The following NRXN1 variants were observed in gnomAD, a reference collection of about 807,000 sequenced individuals.
The protein encoded by NRXN1 is neurexin 1, also known as neurexin-1.
In NRXN1, 39 loss-of-function variants were observed where a neutral mutation model predicts 150.9. The ratio of observed to expected loss-of-function variants is 0.26; its 90% confidence interval spans 0.20 to 0.34. The LOEUF (loss-of-function observed/expected upper bound fraction) is 0.34. NRXN1 is among the 10% of genes least tolerant of loss of function. The pLI, the probability that NRXN1 is intolerant of heterozygous loss-of-function variation, is 1.00. For missense variants in NRXN1, 1,815 were observed against 1,949.9 expected, an observed-to-expected ratio of 0.93 and a Z score of 1.30; for synonymous variants, 924 against 757.0, an observed-to-expected ratio of 1.22 and a Z score of -3.62.
chr2:50,299,805 A>G (rs891924663), intron 17 of NRXN1, among the ~76,000 whole-genome samples: 14 of 152,182 alleles, frequency 9.2e-5, no homozygotes, highest in African/African-American at 2.9e-4. Context: ...AATAAAACCT[A>G]TTTCCTTAGG....
At chr2:50,781,491 T>A (rs143928481) in intron 5 of NRXN1, among the ~76,000 whole-genome samples, 18 of 152,250 alleles carry the variant, frequency 1.2e-4, no homozygotes, top group Non-Finnish European at 4.4e-5. Context: ...AAAGATTTTG[T>A]GAAGGAAGGA....
chr2:50,490,193 C>T (rs969273865), intron 15 of NRXN1, among the ~76,000 whole-genome samples: 18 of 152,078 alleles, frequency 1.2e-4, no homozygotes, highest in Non-Finnish European at 2.1e-4. Flanking sequence ...GTGTCTTTTC[C>T]CTGAACCTCG....
At chr2:50,060,333 C>T (rs1432356196) in intron 19 of NRXN1, among the ~76,000 whole-genome samples, 2 of 152,080 alleles carry the variant, frequency 1.3e-5, no homozygotes, top group Non-Finnish European at 2.9e-5. Context: ...GCCAATTTCT[C>T]CCATTTGGAA....
At chr2:50,934,983 T>G (rs561891718) in intron 2 of NRXN1, among the ~76,000 whole-genome samples, 2 of 152,168 alleles carry the variant, frequency 1.3e-5, no homozygotes, top group Non-Finnish European at 2.9e-5. Flanking sequence ...TTAAGTAAAC[T>G]AAACTAGTAA....
chr2:50,757,512 A>T (rs778177382), intron 5 of NRXN1, among the ~76,000 whole-genome samples: 3 of 151,858 alleles, frequency 2.0e-5, no homozygotes, highest in Admixed American at 1.3e-4. Context: ...GGATCCCCAA[A>T]ATATGTACAA....
At chr2:50,249,901 G>A (rs2066882073) in intron 17 of NRXN1, among the ~76,000 whole-genome samples, 1 of 152,094 alleles carries the variant, frequency 6.6e-6, no homozygotes, top group Admixed American at 6.6e-5. Flanking sequence ...GCCACCCAAA[G>A]TGTTGGGATT....
At chr2:50,565,800 A>G (rs143549479) in intron 8 of NRXN1, among the ~76,000 whole-genome samples, 2 of 152,274 alleles carry the variant, frequency 1.3e-5, no homozygotes, top group East Asian at 3.9e-4. Context: ...CCTCCCAAGT[A>G]TAACTGTCAT....
intron 12 of NRXN1, among the ~76,000 whole-genome samples, chr2:50,511,174 C>T (rs781658340): frequency 2.0e-5 from 3 of 152,070 alleles, no homozygotes; most frequent in Non-Finnish European, 2.9e-5. Flanking sequence ...GACTCTCCTG[C>T]CTCAGCCTCC....
chr2:50,082,170 A>G (rs765273607), intron 19 of NRXN1, among the ~76,000 whole-genome samples: 3 of 152,138 alleles, frequency 2.0e-5, no homozygotes, highest in Non-Finnish European at 2.9e-5. Flanking sequence ...ATCTGACATG[A>G]TTAATTCATT....
chr2:50,805,467 C>T (rs1013434709), intron 5 of NRXN1, among the ~76,000 whole-genome samples: 9 of 151,984 alleles, frequency 5.9e-5, no homozygotes, highest in South Asian at 2.1e-4. Context: ...CCAGCCTGGC[C>T]GACATGGCAA....
intron 10 of NRXN1, among the ~76,000 whole-genome samples, chr2:50,535,471 T>C (rs1185492691): frequency 1.3e-5 from 2 of 152,226 alleles, no homozygotes; most frequent in Non-Finnish European, 2.9e-5. Flanking sequence ...GGAGCCAAAT[T>C]ATATTGCTCT....
chr2:50,266,552 C>A (rs1330441417), intron 17 of NRXN1, among the ~76,000 whole-genome samples: 1 of 87,532 alleles, frequency 1.1e-5, no homozygotes, highest in African/African-American at 4.2e-5. Context: ...CACACACACA[C>A]ACACACACAC....
intron 2 of NRXN1, among the ~76,000 whole-genome samples, chr2:50,965,493 TTTTAA>T (rs1452588177): frequency 3.3e-5 from 5 of 151,702 alleles, no homozygotes; most frequent in African/African-American, 9.6e-5. Flanking sequence ...AAACTGATGC[TTTTAA>T]TTTAATAACA....
At chr2:50,246,015 C>T (rs2066465558) in intron 17 of NRXN1, among the ~76,000 whole-genome samples, 1 of 151,750 alleles carries the variant, frequency 6.6e-6, no homozygotes, top group African/African-American at 2.4e-5. Flanking sequence ...TCATTTCAAT[C>T]ATTTTAGAGT....
chr2:50,182,232 G>T (rs911092460), intron 18 of NRXN1, among the ~76,000 whole-genome samples: 4 of 151,006 alleles, frequency 2.6e-5, no homozygotes, highest in Non-Finnish European at 5.9e-5. Flanking sequence ...CTCAATAAAT[G>T]TTAGATCCTC....
intron 19 of NRXN1, among the ~76,000 whole-genome samples, chr2:50,056,375 C>A (rs1233125987): frequency 6.6e-6 from 1 of 152,036 alleles, no homozygotes; most frequent in African/African-American, 2.4e-5. Flanking sequence ...TAGACCTCAT[C>A]AATTTGTCAT....
chr2:49,975,307 T>C (rs990108472), intron 21 of NRXN1, among the ~76,000 whole-genome samples: 8 of 152,020 alleles, frequency 5.3e-5, no homozygotes, highest in African/African-American at 1.7e-4. Context: ...TTGCTTTTCA[T>C]TGCCCAGTTT....
chr2:50,835,354 C>T (rs1197620840), intron 5 of NRXN1, among the ~76,000 whole-genome samples: 2 of 152,138 alleles, frequency 1.3e-5, no homozygotes, highest in African/African-American at 4.8e-5. Context: ...TTGACCTTTA[C>T]TTTCGATTTC....
intron 5 of NRXN1, among the ~76,000 whole-genome samples, chr2:50,819,317 G>A (rs912288729): frequency 5.3e-5 from 8 of 152,128 alleles, no homozygotes; most frequent in African/African-American, 1.9e-4. Flanking sequence ...AGAAAATGTG[G>A]TATGTACATA....
Sources: allele counts gnomAD v4.1 joint callset (sites outside exome capture counted in the v4.1 genomes callset), GRCh38; gene constraint gnomAD v4.1.1; transcripts MANE v1.5; gene names NCBI Gene and HGNC (gene_info 2026-07-23, HGNC 2026-07-21).